Variants in MEI4 observed in about 807,000 individuals in gnomAD.
The protein encoded by MEI4 is meiotic double-stranded break formation protein 4, also known as meiosis-specific protein MEI4.
MEI4 carries 27 observed loss-of-function variants against 31.4 expected under a neutral mutation model. The observed-to-expected ratio is 0.86, with a 90% CI of 0.63 to 1.19. MEI4 has a LOEUF of 1.19. MEI4 is among the 50% of genes most tolerant of loss of function. MEI4 has a pLI of 0.00. For missense variants in MEI4, 329 were observed against 398.9 expected, an observed-to-expected ratio of 0.82 and a Z score of 1.49; for synonymous variants, 122 against 145.4, an observed-to-expected ratio of 0.84 and a Z score of 1.16.
At chr6:77,883,204 T>G (rs147414894) in intron 4 of MEI4, among the ~76,000 whole-genome samples, 1 of 152,162 alleles carries the variant, frequency 6.6e-6, no homozygotes, top group African/African-American at 2.4e-5. Flanking sequence ...ATTGTACATA[T>G]TTATGGAGTA....
intron 4 of MEI4, among the ~76,000 whole-genome samples, chr6:77,917,226 T>A (rs1332207656): frequency 5.9e-5 from 9 of 151,704 alleles, no homozygotes; most frequent in Non-Finnish European, 1.0e-4. Context: ...TGCCGCAATA[T>A]ACATACGTGT....
intron 4 of MEI4, among the ~76,000 whole-genome samples, chr6:77,914,757 G>A (rs963566948): frequency 3.9e-5 from 6 of 152,056 alleles, no homozygotes; most frequent in Non-Finnish European, 4.4e-5. Context: ...TGTAGACAAT[G>A]GTGTTGGGTA....
Position 77,760,323 on chromosome 6 carries a change from G to T in MEI4, c.233-807G>T, listed in dbSNP as rs541928545. 3.3e-5 allele frequency among the ~76,000 whole-genome samples: 5 copies of T among 152,082 alleles called. No individual in the cohort carries two copies. In the East Asian group the frequency reaches 9.7e-4, roughly 29 times the overall value. Reference sequence around the variant, plus strand: ...TATTTGTATATCAGATATTTTATGTGTGTATGTGCATAATTTTTCCAAAGG... The same window carrying T: ...TATTTGTATATCAGATATTTTATGTTTGTATGTGCATAATTTTTCCAAAGG... On this transcript the variant is annotated intron_variant, in intron 2 of 4. Transcript: ENST00000684080.
chr6:77,712,787 T>C (rs887223995), intron 2 of MEI4, among the ~76,000 whole-genome samples: 1 of 151,756 alleles, frequency 6.6e-6, no homozygotes, highest in African/African-American at 2.4e-5. Flanking sequence ...CTAGCTAACA[T>C]GGTGAAACCC....
chr6:77,740,758 G>T (rs12660344), intron 2 of MEI4, among the ~76,000 whole-genome samples: 13,966 of 151,616 alleles, frequency 0.092, 929 homozygotes, highest in East Asian at 0.31. Context: ...ACCTTTATCT[G>T]TATAGACACA....
chr6:77,867,453 G>A (rs924760517), intron 4 of MEI4, among the ~76,000 whole-genome samples: 10 of 152,210 alleles, frequency 6.6e-5, no homozygotes, highest in African/African-American at 2.2e-4. Flanking sequence ...GTAGCCAAAA[G>A]ATACATGAAA....
chr6:77,652,452 A>G (rs1768317147), upstream of MEI4, among the ~76,000 whole-genome samples: 1 of 151,998 alleles, frequency 6.6e-6, no homozygotes, highest in Non-Finnish European at 1.5e-5. Flanking sequence ...TTGTGTATAT[A>G]TTTTTTCTTT....
chr6:77,656,425 T>C (rs575304155), intron 1 of MEI4, among the ~76,000 whole-genome samples: 1 of 152,280 alleles, frequency 6.6e-6, no homozygotes, highest in South Asian at 2.1e-4. Flanking sequence ...CATTCCTTTT[T>C]ATTTCCTGAT....
At chr6:77,919,826 G>T (rs369731580) in intron 4 of MEI4, among the ~76,000 whole-genome samples, 24 of 149,226 alleles carry the variant, frequency 1.6e-4, no homozygotes, top group African/African-American at 5.1e-4. Flanking sequence ...TATCACCACC[G>T]ATCCCACAGA....
intron 4 of MEI4, among the ~76,000 whole-genome samples, chr6:77,829,536 A>C (rs1770029909): frequency 6.6e-6 from 1 of 152,134 alleles, no homozygotes; most frequent in Non-Finnish European, 1.5e-5. Flanking sequence ...TGAATTTGGA[A>C]TTCTGGTACT....
At chr6:77,754,593 T>C (rs1224812613) in intron 2 of MEI4, among the ~76,000 whole-genome samples, 2 of 152,210 alleles carry the variant, frequency 1.3e-5, no homozygotes, top group African/African-American at 4.8e-5. Flanking sequence ...AGGTTATCTT[T>C]ATAGCAGTAC....
intron 2 of MEI4, chr6:77,716,963 C>A (rs895452923): frequency 1.2e-5 from 5 of 413,800 alleles, no homozygotes; most frequent in Non-Finnish European, 1.6e-5. Flanking sequence ...TGGGTTGCCC[C>A]TACACACCTG....
rs569085827 is a variant in MEI4 at position 77,857,034 on chromosome 6, T to A, written c.900+27972T>A. Among the ~76,000 whole-genome samples, 13 of 152,332 alleles carry A rather than the reference T, an allele frequency of 8.5e-5. No homozygotes were observed. In the South Asian group the frequency reaches 2.7e-3, roughly 32 times the overall value. On this transcript the variant is annotated intron_variant, in intron 4 of 4. Coordinates refer to ENST00000684080, the MANE Select transcript of MEI4 (RefSeq NM_001322247.2). ...TTGTATGTCTGTGTGTATTCCATTTTTATAGCCGCAAATTTTTCTTTCTAG... is the reference window on the plus strand; with the variant it reads ...TTGTATGTCTGTGTGTATTCCATTTATATAGCCGCAAATTTTTCTTTCTAG...
chr6:77,709,770 A>G lies in MEI4; in HGVS notation c.232+18867A>G, dbSNP rs183282188. Reference sequence around the variant, plus strand: ...TTGACACCCAGTTCATACAAATTATATGGCATTTTGCAAATTTAAAACCTA... The same window carrying G: ...TTGACACCCAGTTCATACAAATTATGTGGCATTTTGCAAATTTAAAACCTA... On this transcript the variant is annotated intron_variant, in intron 2 of 4. Coordinates refer to ENST00000684080, the MANE Select transcript of MEI4 (RefSeq NM_001322247.2). 2.0e-3 allele frequency among the ~76,000 whole-genome samples: 306 copies of G among 152,354 alleles called. 1 individual carries two copies. The highest frequency in any genetic ancestry group is 1.5e-3 in the Non-Finnish European group (101 of 68,040).
chr6:77,884,444 G>A (rs1771573194), intron 4 of MEI4, among the ~76,000 whole-genome samples: 1 of 152,148 alleles, frequency 6.6e-6, no homozygotes. Context: ...CCAACATCCT[G>A]AAGCATTTCC....
At chr6:77,696,561 T>G (rs1265841243) in intron 2 of MEI4, among the ~76,000 whole-genome samples, 2 of 151,740 alleles carry the variant, frequency 1.3e-5, no homozygotes, top group Non-Finnish European at 2.9e-5. Flanking sequence ...ATATGCTGGA[T>G]TACATTTATT....
intron 2 of MEI4, among the ~76,000 whole-genome samples, chr6:77,721,898 C>T (rs1766716086): frequency 8.2e-6 from 1 of 122,442 alleles, no homozygotes; most frequent in African/African-American, 3.1e-5. Flanking sequence ...GTTTCTGCAG[C>T]ACATAAAATA....
chr6:77,733,199 A>C (rs1452260238), intron 2 of MEI4, among the ~76,000 whole-genome samples: 2 of 151,904 alleles, frequency 1.3e-5, no homozygotes, highest in Non-Finnish European at 2.9e-5. Flanking sequence ...TTCAGAAGGA[A>C]TGGTACCAGC....
chr6:77,795,195 A>G (rs4708369), intron 3 of MEI4, among the ~76,000 whole-genome samples: 24,019 of 152,126 alleles, frequency 0.16, 2,283 homozygotes, highest in East Asian at 0.39. Context: ...AGCTAGCATA[A>G]TGAAGGAAAT....
Sources: allele counts gnomAD v4.1 joint callset (sites outside exome capture counted in the v4.1 genomes callset), GRCh38; gene constraint gnomAD v4.1.1; transcripts MANE v1.5; gene names NCBI Gene and HGNC (gene_info 2026-07-23, HGNC 2026-07-21).